The following CDH9 variants were observed in gnomAD, a reference collection of about 807,000 sequenced individuals.
CDH9 encodes cadherin 9, also known as cadherin-9.
CDH9 carries 28 observed loss-of-function variants against 70.9 expected under a neutral mutation model. The observed-to-expected ratio is 0.40, with a 90% CI of 0.29 to 0.54. The LOEUF (loss-of-function observed/expected upper bound fraction) is 0.54, where lower values mean the gene tolerates loss of function less well. CDH9 is among the 20% of genes least tolerant of loss of function. The pLI is 0.59. For missense variants in CDH9, 874 were observed against 984.4 expected, an observed-to-expected ratio of 0.89 and a Z score of 1.50; for synonymous variants, 409 against 343.1, an observed-to-expected ratio of 1.19 and a Z score of -2.12.
chr5:26,961,082 C>A (rs1466884237), intron 2 of CDH9, among the ~76,000 whole-genome samples: 2 of 151,994 alleles, frequency 1.3e-5, no homozygotes, highest in African/African-American at 4.8e-5. Context: ...TTTCTCAGGC[C>A]ATCATGGATT....
intron 1 of CDH9, among the ~76,000 whole-genome samples, chr5:27,006,160 C>T (rs1002887267): frequency 6.6e-6 from 1 of 151,340 alleles, no homozygotes; most frequent in Non-Finnish European, 1.5e-5. Flanking sequence ...CAAGTACCCT[C>T]GAACCTATAA....
intron 2 of CDH9, among the ~76,000 whole-genome samples, chr5:26,952,009 A>G (rs908612289): frequency 6.7e-6 from 1 of 148,948 alleles, no homozygotes; most frequent in Admixed American, 6.7e-5. Flanking sequence ...ATGACAGAGT[A>G]TTGCTCTGTT....
chr5:26,899,054 A>G (rs2876821), intron 7 of CDH9, among the ~76,000 whole-genome samples: 17,316 of 152,206 alleles, frequency 0.11, 1,625 homozygotes, highest in East Asian at 0.48. Context: ...TATGCGGCCA[A>G]CAAACATATG....
At chr5:26,987,223 T>C (rs1277855790) in intron 2 of CDH9, among the ~76,000 whole-genome samples, 1 of 149,604 alleles carries the variant, frequency 6.7e-6, no homozygotes, top group Non-Finnish European at 1.5e-5. Flanking sequence ...AAAAAATAAA[T>C]AAATTTATGA....
intron 2 of CDH9, among the ~76,000 whole-genome samples, chr5:26,985,349 A>G (rs1742471501): frequency 6.6e-6 from 1 of 152,106 alleles, no homozygotes; most frequent in African/African-American, 2.4e-5. Flanking sequence ...GACAATGTAA[A>G]TCAACCCAAC....
chr5:26,964,009 T>C (rs1335637067), intron 2 of CDH9, among the ~76,000 whole-genome samples: 8 of 152,112 alleles, frequency 5.3e-5, no homozygotes, highest in African/African-American at 1.9e-4. Context: ...ATTAACCTTT[T>C]CCATAAAATA....
chr5:26,975,982 G>A (rs28680946), intron 2 of CDH9, among the ~76,000 whole-genome samples: 1 of 152,086 alleles, frequency 6.6e-6, no homozygotes, highest in Non-Finnish European at 1.5e-5. Context: ...AAACCTCCAG[G>A]TCTCTTTTTA....
intron 9 of CDH9, among the ~76,000 whole-genome samples, chr5:26,887,035 T>C (rs1440284323): frequency 1.3e-5 from 2 of 152,192 alleles, no homozygotes; most frequent in East Asian, 1.9e-4. Flanking sequence ...TTTTACTGTA[T>C]ACCTTTTATA....
intron 1 of CDH9, among the ~76,000 whole-genome samples, chr5:27,021,772 G>C (rs1472845048): frequency 6.6e-6 from 1 of 151,866 alleles, no homozygotes; most frequent in East Asian, 1.9e-4. Context: ...AGAATCTGTA[G>C]AACTTTATTG....
intron 1 of CDH9, among the ~76,000 whole-genome samples, chr5:27,017,440 T>TTG (rs1554004485): frequency 6.6e-6 from 1 of 151,266 alleles, no homozygotes; most frequent in African/African-American, 2.4e-5. Flanking sequence ...AAATTTTTTT[T>TTG]GGGGGGGCAA....
chr5:27,001,476 C>A (rs960258410), intron 1 of CDH9, among the ~76,000 whole-genome samples: 1 of 152,122 alleles, frequency 6.6e-6, no homozygotes, highest in Admixed American at 6.6e-5. Context: ...TACAGATAAC[C>A]AACAGGAGGT....
chr5:26,973,009 G>A (rs1011076371), intron 2 of CDH9, among the ~76,000 whole-genome samples: 4 of 151,956 alleles, frequency 2.6e-5, no homozygotes, highest in Non-Finnish European at 5.9e-5. Context: ...GACTACAAGC[G>A]TGTGCTACCA....
intron 2 of CDH9, among the ~76,000 whole-genome samples, chr5:26,958,642 A>T (rs938605026): frequency 2.0e-5 from 3 of 152,244 alleles, no homozygotes; most frequent in Admixed American, 6.5e-5. Context: ...ACACTGCCTC[A>T]GTACAAGAAA....
At chr5:26,973,441 G>T (rs946723870) in intron 2 of CDH9, among the ~76,000 whole-genome samples, 2 of 149,816 alleles carry the variant, frequency 1.3e-5, no homozygotes, top group East Asian at 3.9e-4. Context: ...ATTTTATTTT[G>T]TATTTTTTTT....
intron 2 of CDH9, among the ~76,000 whole-genome samples, chr5:26,958,933 T>C (rs1012054072): frequency 3.3e-5 from 5 of 152,148 alleles, no homozygotes; most frequent in African/African-American, 9.7e-5. Context: ...AGGTAAATCT[T>C]CATGACCTGA....
chr5:26,926,490 C>T (rs543733354), intron 2 of CDH9, among the ~76,000 whole-genome samples: 4 of 151,818 alleles, frequency 2.6e-5, no homozygotes, highest in Non-Finnish European at 5.9e-5. Context: ...TAGGAAGAAT[C>T]AATATCATGA....
intron 2 of CDH9, among the ~76,000 whole-genome samples, chr5:26,980,512 T>G (rs1298023831): frequency 1.3e-5 from 2 of 151,974 alleles, no homozygotes; most frequent in Non-Finnish European, 2.9e-5. Flanking sequence ...ATTTTTTCCA[T>G]AAACACCACC....
chr5:26,936,249 A>C (rs1358950014), intron 2 of CDH9, among the ~76,000 whole-genome samples: 1 of 152,146 alleles, frequency 6.6e-6, no homozygotes, highest in Non-Finnish European at 1.5e-5. Context: ...TTTAAATAAA[A>C]ATTTTTAAAA....
At chr5:26,967,581 G>C (rs1742150340) in intron 2 of CDH9, among the ~76,000 whole-genome samples, 1 of 151,924 alleles carries the variant, frequency 6.6e-6, no homozygotes, top group Non-Finnish European at 1.5e-5. Context: ...TACTTTTTTA[G>C]ATACTAGAAA....
Sources: allele counts gnomAD v4.1 joint callset (sites outside exome capture counted in the v4.1 genomes callset), GRCh38; gene constraint gnomAD v4.1.1; transcripts MANE v1.5; gene names NCBI Gene and HGNC (gene_info 2026-07-23, HGNC 2026-07-21).